The following ARFIP1 variants were observed in gnomAD, a reference collection of about 807,000 sequenced individuals.
ARFIP1 encodes ARF interacting protein 1.
A neutral mutation model predicts 42.5 loss-of-function variants in ARFIP1; 24 were observed. The ratio of observed to expected loss-of-function variants is 0.57; its 90% CI spans 0.41 to 0.80. The LOEUF is 0.80. ARFIP1 is among the 30% of genes least tolerant of loss of function. ARFIP1 has a pLI of 0.00. For missense variants in ARFIP1, 354 were observed against 434.0 expected (o/e 0.82, Z 1.64); for synonymous variants, 141 against 153.7 (o/e 0.92, Z 0.61).
chr4:152,901,041 C>CA (rs1737792658), intron 8 of ARFIP1, among the ~76,000 whole-genome samples: 1 of 152,082 alleles, frequency 6.6e-6, no homozygotes, highest in Non-Finnish European at 1.5e-5. Flanking sequence ...CTTTCAGTGG[C>CA]AAAACCTGCA....
intron 8 of ARFIP1, among the ~76,000 whole-genome samples, chr4:152,900,280 G>A (rs1737714197): frequency 1.3e-5 from 2 of 152,154 alleles, no homozygotes; most frequent in Non-Finnish European, 2.9e-5. Context: ...GAATGTTAAT[G>A]TATGTAATTA....
In ARFIP1 at chr4:152,880,960, T is replaced by C; in HGVS notation, c.412-3T>C. The C allele has an allele frequency of 6.2e-7, 1 of 1,605,892 alleles. No homozygotes were observed. The highest frequency in any genetic ancestry group is 8.5e-7 in the Non-Finnish European group (1 of 1,175,436). ...CTAAACAAAATGCATCTTCCACTTT[T>C]AGTGTACTCGACAGATTATCTCTGA... On this transcript the variant is annotated splice_region_variant and splice_polypyrimidine_tract_variant and intron_variant, in intron 5 of 8. Transcript: ENST00000353617.
intron 1 of ARFIP1, among the ~76,000 whole-genome samples, chr4:152,801,139 T>A (rs1728388406): frequency 6.6e-6 from 1 of 152,148 alleles, no homozygotes; most frequent in African/African-American, 2.4e-5. Context: ...ATGTTAAAGA[T>A]ATACGTAAGT....
intron 1 of ARFIP1, among the ~76,000 whole-genome samples, chr4:152,817,185 G>GTAATTATTT (rs1337419705): frequency 6.6e-5 from 10 of 152,318 alleles, no homozygotes; most frequent in African/African-American, 9.6e-5. Flanking sequence ...TGATTATTTA[G>GTAATTATTT]AGAGCTGGAT....
rs146844918 is a variant in ARFIP1, at chr4:152,789,171, A to G, written c.-10+8945A>G. Among the ~76,000 whole-genome samples, 783 of 142,916 alleles carry G rather than the reference A, an allele frequency of 5.5e-3. 4 individuals carry two copies. Among genetic ancestry groups the G allele is most frequent in the Admixed American group, 8.5e-3 (117 of 13,782 alleles). The allele number at this position is 142,916 out of a possible 152,430, so 93.8% of individuals were successfully genotyped here. ...AGTAACGCAATCTCGGCTCACTGCA[A>G]CCTCCACCTCCTGGGTTCAAGCGAT... is the stretch of plus-strand genomic sequence containing the variant. On this transcript the variant is annotated intron_variant, in intron 1 of 8. Coordinates refer to ENST00000353617, the MANE Select transcript of ARFIP1 (RefSeq NM_001025595.3).
chr4:152,831,284 T>C (rs1561128656), intron 2 of ARFIP1, among the ~76,000 whole-genome samples: 1 of 152,218 alleles, frequency 6.6e-6, no homozygotes. Flanking sequence ...TACCAGGTAC[T>C]GGGGATATAC....
intron 8 of ARFIP1, among the ~76,000 whole-genome samples, chr4:152,888,532 A>C (rs772445176): frequency 6.6e-6 from 1 of 152,154 alleles, no homozygotes; most frequent in Non-Finnish European, 1.5e-5. Flanking sequence ...ACACATGGCA[A>C]AAAGTATTTG....
At chr4:152,825,129 A>G (rs1193101143) in intron 1 of ARFIP1, among the ~76,000 whole-genome samples, 1 of 152,098 alleles carries the variant, frequency 6.6e-6, no homozygotes, top group Admixed American at 6.6e-5. Context: ...TCTGAAAACG[A>G]CCATACTGCC....
chr4:152,894,587 G>C (rs1445007132), intron 8 of ARFIP1, among the ~76,000 whole-genome samples: 1 of 152,166 alleles, frequency 6.6e-6, no homozygotes, highest in Non-Finnish European at 1.5e-5. Context: ...GTGAGATTAA[G>C]TTATATAGGT....
At chr4:152,854,843 AGT>A (rs1733293523) in intron 2 of ARFIP1, among the ~76,000 whole-genome samples, 1 of 152,226 alleles carries the variant, frequency 6.6e-6, no homozygotes, top group African/African-American at 2.4e-5. Context: ...CAGTTGTAGC[AGT>A]GGTGGGCTGA....
At chr4:152,906,761 A>G (rs768220318) in intron 8 of ARFIP1, among the ~76,000 whole-genome samples, 1 of 152,156 alleles carries the variant, frequency 6.6e-6, no homozygotes, top group Non-Finnish European at 1.5e-5. Context: ...CTAGCAACCC[A>G]TTACCTGTCT....
At chr4:152,828,525 GT>G (rs1731016895) in intron 1 of ARFIP1, among the ~76,000 whole-genome samples, 1 of 152,156 alleles carries the variant, frequency 6.6e-6, no homozygotes, top group African/African-American at 2.4e-5. Flanking sequence ...TGAAACATCT[GT>G]TTTGATAAAA....
chr4:152,877,254 A>G (rs1467789715), intron 5 of ARFIP1, among the ~76,000 whole-genome samples: 1 of 152,064 alleles, frequency 6.6e-6, no homozygotes, highest in Non-Finnish European at 1.5e-5. Flanking sequence ...GTACCCTGAA[A>G]AGGCACAGGG....
intron 1 of ARFIP1, among the ~76,000 whole-genome samples, chr4:152,809,016 C>T (rs1296617295): frequency 6.6e-6 from 1 of 152,058 alleles, no homozygotes; most frequent in Non-Finnish European, 1.5e-5. Flanking sequence ...TGCACCACTG[C>T]ATTCCAGCCT....
At chr4:152,837,654 G>A (rs1287215171) in intron 2 of ARFIP1, among the ~76,000 whole-genome samples, 1 of 152,070 alleles carries the variant, frequency 6.6e-6, no homozygotes, top group Admixed American at 6.6e-5. Flanking sequence ...ATTTGTTTGA[G>A]TTCATTGTAG....
intron 1 of ARFIP1, among the ~76,000 whole-genome samples, chr4:152,817,095 A>G (rs1432314302): frequency 1.1e-4 from 16 of 152,244 alleles, no homozygotes; most frequent in Admixed American, 1.0e-3. Context: ...AATAGTAGGT[A>G]TATAGTAAAT....
intron 3 of ARFIP1, among the ~76,000 whole-genome samples, 190 bp from the exon 4 acceptor site, chr4:152,870,563 A>T (rs1272201091): frequency 6.6e-6 from 1 of 152,240 alleles, no homozygotes. Flanking sequence ...TGAAAAGTTT[A>T]TATAAAAACT....
chr4:152,829,948 A>T (rs1731140849), intron 2 of ARFIP1, among the ~76,000 whole-genome samples: 1 of 152,144 alleles, frequency 6.6e-6, no homozygotes, highest in Non-Finnish European at 1.5e-5. Context: ...TATTTTCAGT[A>T]ATTGATCAGC....
At chr4:152,811,719 A>C (rs889521541) in intron 1 of ARFIP1, among the ~76,000 whole-genome samples, 1 of 152,192 alleles carries the variant, frequency 6.6e-6, no homozygotes, top group Admixed American at 6.5e-5. Flanking sequence ...TTATGTCCCA[A>C]AGCATTTTGT....
Sources: gnomAD v4.1 joint callset for allele counts (sites outside exome capture counted in the v4.1 genomes callset) on GRCh38, gnomAD v4.1.1 for gene constraint, MANE v1.5 for transcripts, NCBI Gene and HGNC (gene_info 2026-07-23, HGNC 2026-07-21) for gene names.